Variants in LIPN observed in about 807,000 individuals in gnomAD.
LIPN encodes lipase member N.
A neutral mutation model predicts 43.7 loss-of-function variants in LIPN; 32 were observed. The observed-to-expected ratio is 0.73, with a 90% CI of 0.55 to 0.98. LIPN has a LOEUF of 0.98. Among genes scored for constraint, LIPN ranks in the 50% least tolerant of loss-of-function variants. The pLI, the probability that LIPN is intolerant of heterozygous loss-of-function variation, is 0.00. For synonymous variants in LIPN, 156 were observed against 157.6 expected (o/e 0.99, Z 0.08); for missense variants, 505 against 483.8 (o/e 1.04, Z -0.41).
intron 6 of LIPN, 121 bp downstream of exon 6, chr10:88,769,049 T>C (rs937693743): frequency 5.2e-6 from 5 of 964,570 alleles, no homozygotes; most frequent in Non-Finnish European, 7.7e-6. Flanking sequence ...GAACTTAGAC[T>C]CTGTGGGTAT....
Position 88,767,309 on chromosome 10 carries a change from A to G in LIPN, c.535+931A>G, listed in dbSNP as rs1843119022. Among the ~76,000 whole-genome samples the G allele has an allele frequency of 2.0e-5, 3 of 151,976 alleles. No homozygotes were observed. The South Asian group carries it at 6.2e-4, about 32-fold the overall frequency. On this transcript the variant is annotated intron_variant, in intron 5 of 9. Transcript: ENST00000404459. ...GTTAGCATCAGTCAGCATATACTAA[A>G]AAAGTATCAAAGAACTCATAGGAGA... is the stretch of plus-strand genomic sequence containing the variant.
At chr10:88,776,683 T>A (rs1843301357) in intron 9 of LIPN, among the ~76,000 whole-genome samples, 2 of 152,090 alleles carry the variant, frequency 1.3e-5, no homozygotes, top group Admixed American at 6.6e-5. Flanking sequence ...AGGGTAGGGA[T>A]TTCTCATCAT....
chr10:88,769,024 T>C lies in LIPN; in HGVS notation c.672+96T>C, dbSNP rs552135005. ...TACTGTAAAGTAAAAGTAGGAAATT[T>C]AGATAAAATCTATAGAACTTAGACT... On this transcript the variant is annotated intron_variant, in intron 6 of 9. Transcript: ENST00000404459. 3.1e-5 allele frequency: 39 copies of C among 1,241,462 alleles called. No individual in the cohort carries two copies. The South Asian group carries it at 3.9e-4, about 13-fold the overall frequency. 76.9% of individuals were successfully genotyped at this position (1,241,462 alleles called of 1,614,324 possible). A position where few individuals can be genotyped will look rare whatever the true frequency, so the allele number is the denominator to read the frequency against.
rs181816765 is a variant in LIPN, at chr10:88,774,333, G to T, written c.820-140G>T. ...TCACATTAAAGTATTGACCTAAATG[G>T]TATATTTATCTAGATAATTCTACCT... On this transcript the variant is annotated intron_variant, in intron 7 of 9. Transcript: ENST00000404459. 1.3e-3 allele frequency: 801 copies of T among 602,368 alleles called. 2 individuals carry two copies. The highest frequency in any genetic ancestry group is 1.7e-3 in the Non-Finnish European group (563 of 334,060). The allele number at this position is 602,368 out of a possible 1,614,324, so 37.3% of individuals were successfully genotyped here.
At position 88,761,588 on chromosome 10, in the gene LIPN, T is replaced by G. The variant is rs1842997855; in HGVS notation, c.108+75T>G. On this transcript the variant is annotated intron_variant, in intron 2 of 9. Transcript: ENST00000404459. ...AGTATGAGGTTACGAAAGGTCCTGT[T>G]GTAACAGAAAATCTCTGATAAAACA... 14 of 974,834 alleles carry G rather than the reference T, an allele frequency of 1.4e-5. 1 individual carries two copies. In the South Asian group the frequency reaches 2.1e-4, roughly 15 times the overall value. The allele number at this position is 974,834 out of a possible 1,614,324, so 60.4% of individuals were successfully genotyped here.
chr10:88,764,785 A>G (rs1198959355), intron 4 of LIPN, among the ~76,000 whole-genome samples, 177 bp downstream of exon 4: 2 of 151,984 alleles, frequency 1.3e-5, no homozygotes, highest in Non-Finnish European at 2.9e-5. Context: ...ATTCTCCCAC[A>G]GGCAAAGTAT....
At position 88,778,890 on chromosome 10, in the gene LIPN, C is replaced by G. The variant is rs939827679; in HGVS notation, c.*648C>G. On this transcript the variant is annotated 3_prime_UTR_variant, in exon 10 of 10. Coordinates refer to ENST00000404459, the MANE Select transcript of LIPN (RefSeq NM_001102469.2). ...CTTATTAAAGCAGAAATAAATTGTA[C>G]AGCATCAATATCATTTTATAATCAT... Among the ~76,000 whole-genome samples, 1 of 152,118 alleles carries G rather than the reference C, an allele frequency of 6.6e-6. No individual in the cohort carries two copies. Among genetic ancestry groups the G allele is most frequent in the African/African-American group, 2.4e-5 (1 of 41,406 alleles).
In LIPN at chr10:88,775,246, T is replaced by C. The variant is rs1843278016; in HGVS notation, c.963+83T>C. 1.1e-5 allele frequency: 10 copies of C among 896,974 alleles called. No homozygotes were observed. In the Admixed American group the frequency reaches 1.7e-4, roughly 15 times the overall value. 55.6% of individuals were successfully genotyped at this position (896,974 alleles called of 1,614,324 possible). A position where few individuals can be genotyped will look rare whatever the true frequency, so the allele number is the denominator to read the frequency against. On this transcript the variant is annotated intron_variant, in intron 9 of 9. Transcript: ENST00000404459. ...ATTTGAGGGTGGAAAGACTCCTACCTGTCATTTGGTGGCATTTATACTGAT... is the reference window on the plus strand; with the variant it reads ...ATTTGAGGGTGGAAAGACTCCTACCCGTCATTTGGTGGCATTTATACTGAT...
At chr10:88,765,722 G>A (rs1843084287) in intron 4 of LIPN, among the ~76,000 whole-genome samples, 1 of 151,800 alleles carries the variant, frequency 6.6e-6, no homozygotes, top group Non-Finnish European at 1.5e-5. Context: ...GCACCCACTG[G>A]CAGCCAGAGT....
chr10:88,770,679 G>T (rs974234526), intron 6 of LIPN, among the ~76,000 whole-genome samples, 166 bp from the exon 7 acceptor site: 1 of 151,836 alleles, frequency 6.6e-6, no homozygotes, highest in Non-Finnish European at 1.5e-5. Context: ...GAAGTCTGAA[G>T]ATGATTCTTG....
At chr10:88,771,342 G>C (rs969677866) in intron 7 of LIPN, among the ~76,000 whole-genome samples, 1 of 151,642 alleles carries the variant, frequency 6.6e-6, no homozygotes, top group Non-Finnish European at 1.5e-5. Flanking sequence ...ATCCTATTGT[G>C]CATGCCAGAC....
intron 6 of LIPN, 117 bp downstream of exon 6, chr10:88,769,045 A>G: frequency 9.8e-7 from 1 of 1,018,654 alleles, no homozygotes. Context: ...TATAGAACTT[A>G]GACTCTGTGG....
rs1439819653 is a variant in LIPN at position 88,774,523 on chromosome 10, C to T, written c.870C>T (p.His290=). 2 of 1,610,244 alleles carry T rather than the reference C, an allele frequency of 1.2e-6. No homozygotes were observed. The highest frequency in any genetic ancestry group is 1.1e-5 in the South Asian group (1 of 90,966). The change falls in exon 8 of 10, where the codon CAC becomes CAT. Residue 290 remains histidine (H), a synonymous_variant. Coordinates refer to ENST00000404459, the MANE Select transcript of LIPN (RefSeq NM_001102469.2). Reference sequence around the variant, plus strand: ...ATGCTCCCACTGGTTCATCAGTACACAACATTCTGCATATAAAACAGGTAG... The same window carrying T: ...ATGCTCCCACTGGTTCATCAGTACATAACATTCTGCATATAAAACAGGTAG... ...MSHAPTGSSV[H]NILHIKQLYH...
upstream of LIPN, among the ~76,000 whole-genome samples, chr10:88,758,105 A>G (rs1040985795): frequency 2.0e-5 from 3 of 152,188 alleles, no homozygotes; most frequent in Non-Finnish European, 4.4e-5. Flanking sequence ...CCAACAAACA[A>G]AAAGATAACC....
intron 3 of LIPN, 58 bp downstream of exon 3, chr10:88,762,363 G>T (rs1429162255): frequency 7.8e-6 from 8 of 1,030,032 alleles, no homozygotes; most frequent in Non-Finnish European, 1.0e-5. Context: ...TTCTCAGGAG[G>T]AATTTAATGC....
intron 1 of LIPN, among the ~76,000 whole-genome samples, chr10:88,760,891 C>T (rs375843): frequency 0.2 from 30,158 of 152,012 alleles, 3,222 homozygotes; most frequent in East Asian, 0.35. Context: ...CATTGAAATA[C>T]GCAAAATTTG....
intron 7 of LIPN, 99 bp from the exon 8 acceptor site, chr10:88,774,374 C>T: frequency 1.4e-6 from 1 of 702,020 alleles, no homozygotes; most frequent in Non-Finnish European, 2.6e-6. Context: ...TTTTCAAAGC[C>T]CCAGTCTTGT....
In LIPN at chr10:88,775,729, C is replaced by A. The variant is rs149574957; in HGVS notation, c.963+566C>A. ...ATCTGTAGCCTTGTTTAGCACCGTA[C>A]TTTTAATTAATCCTGTCACCATTTT... On this transcript the variant is annotated intron_variant, in intron 9 of 9. Coordinates refer to ENST00000404459, the MANE Select transcript of LIPN (RefSeq NM_001102469.2). 1.6e-3 allele frequency among the ~76,000 whole-genome samples: 240 copies of A among 152,152 alleles called. 1 individual carries two copies. The highest frequency in any genetic ancestry group is 5.4e-3 in the African/African-American group (223 of 41,534).
chr10:88,764,389 T>C lies in LIPN; in HGVS notation c.227-21T>C, dbSNP rs765570153. ...TCTCTTTCTCTTTCTCCCTCTCTCA[T>C]CTTACCCTTTCCCCCACCAGGTCCC... is the stretch of plus-strand genomic sequence containing the variant. On this transcript the variant is annotated intron_variant, in intron 3 of 9. Coordinates refer to ENST00000404459, the MANE Select transcript of LIPN (RefSeq NM_001102469.2). 12 of 1,594,656 alleles carry C rather than the reference T, an allele frequency of 7.5e-6. No individual in the cohort carries two copies. In the East Asian group the frequency reaches 1.6e-4, roughly 21 times the overall value.
Sources: allele counts gnomAD v4.1 joint callset (sites outside exome capture counted in the v4.1 genomes callset), GRCh38; gene constraint gnomAD v4.1.1; transcripts MANE v1.5; gene names NCBI Gene and HGNC (gene_info 2026-07-23, HGNC 2026-07-21).